The following CIT variants were observed in gnomAD, a reference collection of about 807,000 sequenced individuals.
CIT encodes the protein citron rho-interacting serine/threonine kinase, also known as citron Rho-interacting kinase.
In CIT, 79 loss-of-function variants were observed where a neutral mutation model predicts 272.7. That is an observed-to-expected ratio of 0.29 (90% CI 0.24 to 0.35). The LOEUF is 0.35. Ranked by LOEUF, CIT falls within the 10% of genes least tolerant of loss-of-function variation. The pLI is 1.00. For synonymous variants in CIT, 948 were observed against 995.6 expected (o/e 0.95, Z 0.90); for missense variants, 1,909 against 2,618.3 (o/e 0.73, Z 5.91).
Position 119,757,545 on chromosome 12 carries a change from C to A in CIT, c.2532G>T (p.Met844Ile). The change falls in exon 22 of 48, where the codon ATG becomes ATT. Residue 844 changes from methionine to isoleucine, a missense_variant and splice_region_variant. This residue lies in a region of CIT where 530 missense variants were observed against 822.4 expected (regional missense o/e 0.64). Coordinates refer to ENST00000392521, the MANE Select transcript of CIT (RefSeq NM_001206999.2). Reference protein sequence around the residue: ...ANSSLFTQRNMKAQEEMISEL... With the variant: ...ANSSLFTQRNIKAQEEMISEL... ...CAGAAATCATCTCTTCTTGGGCCTT[C>A]CTGGTGGGGGTGGTGGGAGGATCCA... 1 of 1,603,472 alleles carries A rather than the reference C, an allele frequency of 6.2e-7. No individual in the cohort carries two copies. Among genetic ancestry groups the A allele is most frequent in the Non-Finnish European group, 8.5e-7 (1 of 1,174,300 alleles).
intron 10 of CIT, among the ~76,000 whole-genome samples, chr12:119,788,549 T>C (rs1965010006): frequency 6.6e-6 from 1 of 152,106 alleles, no homozygotes; most frequent in South Asian, 2.1e-4. Flanking sequence ...GGGTGCATGA[T>C]GATAGGTAGG....
chr12:119,764,648 A>G (rs933628642), intron 19 of CIT, among the ~76,000 whole-genome samples: 4 of 151,726 alleles, frequency 2.6e-5, no homozygotes, highest in Admixed American at 2.6e-4. Context: ...AAAAAACCTC[A>G]ATGGAACAGC....
rs1469989397 is a variant in CIT at position 119,743,109 on chromosome 12, G to A, written c.2905-645C>T. The stretch of plus-strand genomic sequence containing the variant: ...TAGTGCATACTATATGCTTGACACT[G>A]TGGAAGGATATAGGCATCCATGACC... On this transcript the variant is annotated intron_variant, in intron 23 of 47. Transcript: ENST00000392521. Among the ~76,000 whole-genome samples the A allele has an allele frequency of 2.0e-5, 3 of 152,142 alleles. No individual in the cohort carries two copies. The East Asian group carries it at 5.8e-4, about 29-fold the overall frequency.
At chr12:119,749,305 A>G (rs1396867186) in intron 23 of CIT, among the ~76,000 whole-genome samples, 1 of 152,224 alleles carries the variant, frequency 6.6e-6, no homozygotes, top group African/African-American at 2.4e-5. Flanking sequence ...CAAATCTCCT[A>G]GGCGATCATT....
At chr12:119,826,893 G>A (rs989564006) in intron 7 of CIT, among the ~76,000 whole-genome samples, 3 of 152,240 alleles carry the variant, frequency 2.0e-5, no homozygotes, top group Middle Eastern at 6.8e-3. Flanking sequence ...TAGTGAGGAC[G>A]TGATGAGGTC....
At chr12:119,761,093 C>T (rs1593634944) in intron 19 of CIT, 38 bp from the exon 20 acceptor site, 1 of 1,430,984 alleles carries the variant, frequency 7.0e-7, no homozygotes. Context: ...TTCTCAGGAG[C>T]CAAGCTGAGG....
In CIT at chr12:119,869,013, T is replaced by G. The variant is rs1566149622; in HGVS notation, c.238+47A>C. On this transcript the variant is annotated intron_variant, in intron 3 of 47. Coordinates refer to ENST00000392521, the MANE Select transcript of CIT (RefSeq NM_001206999.2). ...CATTCTGCCTCAAGCATCTTTCTAGTTTTTCTCTCTCAGGACAGTTTTCAA... is the reference window on the plus strand; with the variant it reads ...CATTCTGCCTCAAGCATCTTTCTAGGTTTTCTCTCTCAGGACAGTTTTCAA... 2.5e-6 allele frequency: 4 copies of G among 1,601,142 alleles called. No individual in the cohort carries two copies. The East Asian group carries it at 8.9e-5, about 36-fold the overall frequency.
At chr12:119,874,372 A>G (rs1950776535) in intron 2 of CIT, among the ~76,000 whole-genome samples, 2 of 152,180 alleles carry the variant, frequency 1.3e-5, no homozygotes, top group Non-Finnish European at 2.9e-5. Flanking sequence ...TTTAAAGAAT[A>G]GCAAATGGAC....
At chr12:119,785,248 T>TA (rs1283796589) in intron 10 of CIT, among the ~76,000 whole-genome samples, 183 bp from the exon 11 acceptor site, 1 of 152,224 alleles carries the variant, frequency 6.6e-6, no homozygotes, top group African/African-American at 2.4e-5. Context: ...TGTGAATATA[T>TA]TACCACACAT....
chr12:119,688,899 G>A (rs1329802287), intron 47 of CIT, among the ~76,000 whole-genome samples: 4 of 152,068 alleles, frequency 2.6e-5, no homozygotes, highest in African/African-American at 7.2e-5. Flanking sequence ...GGTGACTCAC[G>A]CCTGTAATCC....
In CIT at chr12:119,834,296, T is replaced by C. The variant is rs555950217; in HGVS notation, c.517-68A>G. The C allele has an allele frequency of 1.5e-5, 20 of 1,365,472 alleles. No homozygotes were observed. In the East Asian group the frequency reaches 4.7e-4, roughly 32 times the overall value. The allele number at this position is 1,365,472 out of a possible 1,614,324, so 84.6% of individuals were successfully genotyped here. A position where few individuals can be genotyped will look rare whatever the true frequency, so the allele number is the denominator to read the frequency against. ...AATAGGGAATGCCTCAATTAGATCC[T>C]CGAATATCACCTGACGTGTTATAAT... On this transcript the variant is annotated intron_variant, in intron 5 of 47. Coordinates refer to ENST00000392521, the MANE Select transcript of CIT (RefSeq NM_001206999.2).
chr12:119,789,633 A>C (rs1965128600), intron 10 of CIT, among the ~76,000 whole-genome samples: 1 of 152,200 alleles, frequency 6.6e-6, no homozygotes, highest in African/African-American at 2.4e-5. Flanking sequence ...TTGAGCACAC[A>C]TATCCTCCCC....
intron 5 of CIT, among the ~76,000 whole-genome samples, chr12:119,839,958 A>G (rs1969292725): frequency 6.6e-6 from 1 of 152,246 alleles, no homozygotes; most frequent in Non-Finnish European, 1.5e-5. Flanking sequence ...CTACAGCTAT[A>G]GAACAATGGT....
rs756251492 is a variant in CIT at position 119,784,211 on chromosome 12, G to T, written c.1402-160C>A. The T allele has an allele frequency of 1.2e-6, 2 of 1,601,630 alleles. No homozygotes were observed. The highest frequency in any genetic ancestry group is 4.5e-5 in the East Asian group (2 of 44,012). On this transcript the variant is annotated intron_variant, in intron 11 of 47. Coordinates refer to ENST00000392521, the MANE Select transcript of CIT (RefSeq NM_001206999.2). This position sits in a 1 kb window ranked among gnomAD's most constrained non-coding sequence, Gnocchi z 4.7. ...TACCATTGTTTCTTCGCCCAGGAGC[G>T]CACAGTTCTTCGTTAAGGACAGTCA...
intron 9 of CIT, among the ~76,000 whole-genome samples, chr12:119,813,805 G>A (rs780297830): frequency 2.6e-5 from 4 of 152,200 alleles, no homozygotes; most frequent in Admixed American, 6.5e-5. Flanking sequence ...GTACACTTCC[G>A]AGGGATGGGG....
intron 5 of CIT, among the ~76,000 whole-genome samples, chr12:119,849,200 G>A (rs1237577651): frequency 1.3e-5 from 2 of 152,218 alleles, no homozygotes; most frequent in East Asian, 1.9e-4. Context: ...GCCGAGGCAG[G>A]TGGATCATTT....
chr12:119,815,835 G>A (rs991687774), intron 9 of CIT, among the ~76,000 whole-genome samples: 20 of 152,138 alleles, frequency 1.3e-4, no homozygotes, highest in East Asian at 3.8e-4. Flanking sequence ...ATAGTGGTTC[G>A]CTTGAGGGAG....
intron 10 of CIT, among the ~76,000 whole-genome samples, chr12:119,799,793 A>T (rs1966031411): frequency 1.3e-5 from 2 of 152,010 alleles, no homozygotes; most frequent in South Asian, 4.2e-4. Context: ...ATGGTTTTTA[A>T]TGTGGCTCAA....
chr12:119,824,653 G>T (rs1968018071), intron 8 of CIT, among the ~76,000 whole-genome samples: 1 of 152,156 alleles, frequency 6.6e-6, no homozygotes, highest in South Asian at 2.1e-4. Context: ...CACCACTGCT[G>T]AAACACTCAT....
Sources: gnomAD v4.1 joint callset for allele counts (sites outside exome capture counted in the v4.1 genomes callset) on GRCh38, gnomAD v4.1.1 for gene constraint, gnomAD v4.1.1 regional missense constraint, Gnocchi (gnomAD v3.1) non-coding constraint, MANE v1.5 for transcripts, NCBI Gene and HGNC (gene_info 2026-07-23, HGNC 2026-07-21) for gene names.